Variants in PMS1 observed in about 807,000 individuals in gnomAD.
PMS1 encodes the protein PMS1 homolog 1, mismatch repair system component.
PMS1 carries 79 observed loss-of-function variants against 93.1 expected under a neutral mutation model. The ratio of observed to expected loss-of-function variants is 0.85; its 90% CI spans 0.71 to 1.02. The LOEUF is 1.02. Among genes scored for constraint, PMS1 ranks in the 50% least tolerant of loss-of-function variants. The probability of loss-of-function intolerance (pLI) is 0.00; values close to 1 mark genes in which losing one functional copy is unlikely to be tolerated. For synonymous variants in PMS1, 335 were observed against 363.4 expected (o/e 0.92, Z 0.89); for missense variants, 1,064 against 1,085.3 (o/e 0.98, Z 0.28).
chr2:189,863,228 G>C (rs2056211480), intron 9 of PMS1, among the ~76,000 whole-genome samples: 1 of 148,748 alleles, frequency 6.7e-6, no homozygotes, highest in African/African-American at 2.5e-5. Context: ...GTTTGTTGTT[G>C]TTGTTTTTTC....
chr2:189,803,120 C>T (rs1035516276), intron 3 of PMS1, among the ~76,000 whole-genome samples: 2 of 151,876 alleles, frequency 1.3e-5, no homozygotes, highest in Admixed American at 6.6e-5. Context: ...AAAGACTGTG[C>T]GTTTTCAACT....
intron 3 of PMS1, among the ~76,000 whole-genome samples, chr2:189,805,043 A>T (rs946059524): frequency 2.6e-5 from 4 of 152,182 alleles, no homozygotes; most frequent in Non-Finnish European, 2.9e-5. Flanking sequence ...ACATCTGAGG[A>T]AATATTTTCA....
At chr2:189,810,033 A>G (rs948259972) in intron 4 of PMS1, among the ~76,000 whole-genome samples, 1 of 152,184 alleles carries the variant, frequency 6.6e-6, no homozygotes, top group Admixed American at 6.5e-5. Flanking sequence ...GCTACAGTGC[A>G]TGCCATTATA....
intron 9 of PMS1, among the ~76,000 whole-genome samples, chr2:189,859,557 G>C (rs2055725073): frequency 6.6e-6 from 1 of 152,112 alleles, no homozygotes; most frequent in Non-Finnish European, 1.5e-5. Context: ...TGGGATCCAG[G>C]TATCACTTTT....
intron 5 of PMS1, among the ~76,000 whole-genome samples, chr2:189,826,795 A>G (rs1384983136): frequency 4.6e-5 from 7 of 152,150 alleles, no homozygotes; most frequent in Admixed American, 3.3e-4. Context: ...TAGTTCATCT[A>G]TATTCCCCTT....
At chr2:189,822,557 T>G (rs905330719) in intron 5 of PMS1, among the ~76,000 whole-genome samples, 1 of 152,128 alleles carries the variant, frequency 6.6e-6, no homozygotes. Flanking sequence ...ATGTTACAGT[T>G]GTAGAAGATG....
At chr2:189,823,723 C>T (rs1161169068) in intron 5 of PMS1, among the ~76,000 whole-genome samples, 1 of 151,678 alleles carries the variant, frequency 6.6e-6, no homozygotes. Flanking sequence ...TCTCAGTACA[C>T]TTAGGGGTGT....
intron 4 of PMS1, among the ~76,000 whole-genome samples, chr2:189,815,096 CAAA>C (rs529543530): frequency 6.5e-5 from 4 of 61,550 alleles, no homozygotes; most frequent in Admixed American, 1.8e-4. Flanking sequence ...GACTCCATCT[CAAA>C]AAAAAAAAAA....
intron 6 of PMS1, among the ~76,000 whole-genome samples, chr2:189,845,634 C>A (rs1390506361): frequency 6.6e-6 from 1 of 152,156 alleles, no homozygotes; most frequent in Non-Finnish European, 1.5e-5. Flanking sequence ...GCCTTCTGCA[C>A]AACTCTCATC....
intron 4 of PMS1, among the ~76,000 whole-genome samples, chr2:189,811,696 T>C (rs1575106288): frequency 6.6e-6 from 1 of 151,682 alleles, no homozygotes; most frequent in East Asian, 1.9e-4. Flanking sequence ...TACCAAAGAG[T>C]GAACAGAACC....
rs181355768 is a variant in PMS1, at chr2:189,806,428, C to T, written c.418+674C>T. On this transcript the variant is annotated intron_variant, in intron 4 of 12. Transcript: ENST00000441310. The stretch of plus-strand genomic sequence containing the variant: ...ATTTTATTTTCCTGAGACAGGGTCT[C>T]ACTCTGTCACACAGGCTGGACTGCA... 102 of 319,820 alleles carry T rather than the reference C, an allele frequency of 3.2e-4. 2 individuals carry two copies. In the East Asian group the frequency reaches 7.0e-3, roughly 22 times the overall value. 19.8% of individuals were successfully genotyped at this position (319,820 alleles called of 1,614,324 possible). A position where few individuals can be genotyped will look rare whatever the true frequency, so the allele number is the denominator to read the frequency against.
chr2:189,797,072 C>T lies in PMS1; in HGVS notation c.315+1121C>T, dbSNP rs5742989. Among the ~76,000 whole-genome samples, 229 of 152,236 alleles carry T rather than the reference C, an allele frequency of 1.5e-3. 2 individuals carry two copies. Among genetic ancestry groups the T allele is most frequent in the African/African-American group, 5.3e-3 (220 of 41,538 alleles). ...ATCTCTAAGGTTGGTGGTTTATATA[C>T]GCACTTTTTCCTATACCTACTTGAC... On this transcript the variant is annotated intron_variant, in intron 3 of 12. Coordinates refer to ENST00000441310, the MANE Select transcript of PMS1 (RefSeq NM_000534.5).
intron 11 of PMS1, among the ~76,000 whole-genome samples, chr2:189,870,357 A>G (rs1260683083): frequency 3.3e-5 from 5 of 152,188 alleles, no homozygotes; most frequent in African/African-American, 9.6e-5. Context: ...AGAACTTTGC[A>G]TGCTAATAGG....
chr2:189,849,553 T>TA (rs1186430973), intron 6 of PMS1, among the ~76,000 whole-genome samples: 1 of 152,208 alleles, frequency 6.6e-6, no homozygotes, highest in Non-Finnish European at 1.5e-5. Flanking sequence ...CAAAATTATC[T>TA]AATTCTCTGA....
chr2:189,810,911 G>A (rs2050783381), intron 4 of PMS1, among the ~76,000 whole-genome samples: 1 of 151,498 alleles, frequency 6.6e-6, no homozygotes, highest in Non-Finnish European at 1.5e-5. Flanking sequence ...GAGGAAAATG[G>A]GATCCGTAAT....
intron 5 of PMS1, among the ~76,000 whole-genome samples, chr2:189,822,172 A>C (rs770180348): frequency 1.0e-3 from 155 of 152,176 alleles, no homozygotes; most frequent in Non-Finnish European, 1.9e-3. Flanking sequence ...GCAGTGGAGG[A>C]GGAGGCGGGG....
chr2:189,801,080 C>T (rs1012408051), intron 3 of PMS1, among the ~76,000 whole-genome samples: 1 of 152,150 alleles, frequency 6.6e-6, no homozygotes, highest in African/African-American at 2.4e-5. Flanking sequence ...TCAGGCTGGG[C>T]TCAAAATCCT....
At chr2:189,837,164 GT>G (rs112928963) in intron 5 of PMS1, among the ~76,000 whole-genome samples, 373 of 143,414 alleles carry the variant, frequency 2.6e-3, no homozygotes, top group African/African-American at 6.9e-3. Context: ...TAAGTTTGGT[GT>G]TTTTTTTTTT....
chr2:189,853,220 A>T (rs5743132), intron 7 of PMS1, among the ~76,000 whole-genome samples: 1,875 of 151,574 alleles, frequency 0.012, 35 homozygotes, highest in African/African-American at 0.04. Context: ...TGCCCAGCTA[A>T]TTTTTTTTGT....
Sources: allele counts gnomAD v4.1 joint callset (sites outside exome capture counted in the v4.1 genomes callset), GRCh38; gene constraint gnomAD v4.1.1; transcripts MANE v1.5; gene names NCBI Gene and HGNC (gene_info 2026-07-23, HGNC 2026-07-21).